NKAIN3: variants seen among roughly 807,000 people sequenced by gnomAD.
The protein encoded by NKAIN3 is sodium/potassium transporting ATPase interacting 3.
A neutral mutation model predicts 30.2 loss-of-function variants in NKAIN3; 25 were observed. That is an observed-to-expected ratio of 0.83 (90% CI 0.60 to 1.16). NKAIN3 has a LOEUF of 1.16. Among genes scored for constraint, NKAIN3 ranks in the 50% most tolerant of loss-of-function variants. NKAIN3 has a pLI of 0.00. For missense variants in NKAIN3, 225 were observed against 254.1 expected, an observed-to-expected ratio of 0.89 and a Z score of 0.78; for synonymous variants, 91 against 89.6, an observed-to-expected ratio of 1.02 and a Z score of -0.09.
chr8:62,850,392 C>T (rs968278643), intron 4 of NKAIN3, among the ~76,000 whole-genome samples: 2 of 151,948 alleles, frequency 1.3e-5, no homozygotes, highest in Middle Eastern at 3.2e-3. Flanking sequence ...AAATTTTCTC[C>T]CATTCTGTAG....
At position 62,972,512 on chromosome 8, in the gene NKAIN3, A is replaced by AT. The variant is rs1423705635; in HGVS notation, c.*7112dup. On this transcript the variant is annotated 3_prime_UTR_variant, in exon 7 of 7. Transcript: ENST00000623646. ...AACATCAATAATTAAACTTCCCAAGATTTTTTTGTCTCTCTCTGAATCAAG... is the reference window on the plus strand; with the variant it reads ...AACATCAATAATTAAACTTCCCAAGATTTTTTTTGTCTCTCTCTGAATCAAG... Among the ~76,000 whole-genome samples the AT allele has an allele frequency of 6.6e-6, 1 of 152,156 alleles. No homozygotes were observed.
intron 4 of NKAIN3, among the ~76,000 whole-genome samples, chr8:62,890,197 C>A (rs72655031): frequency 0.021 from 3,137 of 152,262 alleles, 51 homozygotes; most frequent in South Asian, 0.026. Flanking sequence ...AGTAAGCCAA[C>A]ATTTACTAAA....
chr8:62,476,078 T>C (rs936459823), intron 1 of NKAIN3, among the ~76,000 whole-genome samples: 1 of 152,198 alleles, frequency 6.6e-6, no homozygotes, highest in Non-Finnish European at 1.5e-5. Context: ...ACTATCATCA[T>C]TCTAGTTAAT....
At chr8:62,506,443 T>A (rs1032638290) in intron 1 of NKAIN3, among the ~76,000 whole-genome samples, 2 of 151,354 alleles carry the variant, frequency 1.3e-5, no homozygotes, top group Non-Finnish European at 2.9e-5. Flanking sequence ...ATGTGCATTT[T>A]TATTTTTTCT....
chr8:62,251,724 A>G (rs796879487), intron 1 of NKAIN3, among the ~76,000 whole-genome samples: 3 of 152,332 alleles, frequency 2.0e-5, no homozygotes, highest in African/African-American at 7.2e-5. Context: ...TTATTTAAAA[A>G]GCCTAGACAA....
intron 3 of NKAIN3, among the ~76,000 whole-genome samples, chr8:62,640,929 A>G (rs911232966): frequency 1.9e-4 from 29 of 151,978 alleles, no homozygotes; most frequent in African/African-American, 6.5e-4. Flanking sequence ...ACATTCTTTA[A>G]CCCCAGTAAT....
intron 1 of NKAIN3, among the ~76,000 whole-genome samples, chr8:62,266,626 C>T (rs1016140247): frequency 2.6e-5 from 4 of 152,072 alleles, no homozygotes; most frequent in Non-Finnish European, 5.9e-5. Flanking sequence ...AGGCGGGACT[C>T]GACTCTGGAG....
intron 1 of NKAIN3, among the ~76,000 whole-genome samples, chr8:62,545,928 C>T (rs893740138): frequency 3.3e-5 from 5 of 152,110 alleles, no homozygotes; most frequent in African/African-American, 4.8e-5. Context: ...TAAACATGCC[C>T]GTTTCTTCAA....
intron 1 of NKAIN3, among the ~76,000 whole-genome samples, chr8:62,497,997 C>CT: frequency 6.6e-6 from 1 of 152,128 alleles, no homozygotes; most frequent in African/African-American, 2.4e-5. Flanking sequence ...TTCTTTCTTT[C>CT]TTTTTTTACA....
intron 3 of NKAIN3, among the ~76,000 whole-genome samples, chr8:62,651,187 A>C (rs1056336079): frequency 6.6e-6 from 1 of 151,948 alleles, no homozygotes; most frequent in East Asian, 1.9e-4. Context: ...GGAAAAGTGC[A>C]ATTTTTTACA....
chr8:62,415,382 T>G (rs1804412545), intron 1 of NKAIN3, among the ~76,000 whole-genome samples: 1 of 149,354 alleles, frequency 6.7e-6, no homozygotes, highest in Admixed American at 6.7e-5. Context: ...AAGTCTGGAT[T>G]ATAATAATTG....
intron 4 of NKAIN3, among the ~76,000 whole-genome samples, chr8:62,748,107 T>A (rs1816148921): frequency 1.3e-5 from 2 of 152,218 alleles, no homozygotes; most frequent in African/African-American, 4.8e-5. Flanking sequence ...AATTTATTGC[T>A]TAGAGTTCTG....
chr8:62,835,371 G>A (rs796295294), intron 4 of NKAIN3, among the ~76,000 whole-genome samples: 14 of 152,030 alleles, frequency 9.2e-5, no homozygotes, highest in African/African-American at 2.2e-4. Flanking sequence ...TACTATTGAC[G>A]GAGTAAACAG....
chr8:62,335,330 A>G (rs1189197374), intron 1 of NKAIN3, among the ~76,000 whole-genome samples: 2 of 150,158 alleles, frequency 1.3e-5, no homozygotes, highest in African/African-American at 4.9e-5. Flanking sequence ...GGAGGCTGAG[A>G]TGAGAGAACT....
At position 62,447,904 on chromosome 8, in the gene NKAIN3, T is replaced by A. The variant is rs1209199893; in HGVS notation, c.55-131635T>A. ...CAAGGTAGGTGGGAAACTGTTTAGATAAGTGGGATGTTTGAAATCTAAAAC... is the reference window on the plus strand; with the variant it reads ...CAAGGTAGGTGGGAAACTGTTTAGAAAAGTGGGATGTTTGAAATCTAAAAC... On this transcript the variant is annotated intron_variant, in intron 1 of 6. Coordinates refer to ENST00000623646, the MANE Select transcript of NKAIN3 (RefSeq NM_001304533.3). 3.3e-5 allele frequency among the ~76,000 whole-genome samples: 5 copies of A among 152,000 alleles called. No individual in the cohort carries two copies. In the East Asian group the frequency reaches 9.6e-4, roughly 29 times the overall value.
At chr8:62,763,678 G>A (rs1816745291) in intron 4 of NKAIN3, among the ~76,000 whole-genome samples, 1 of 152,176 alleles carries the variant, frequency 6.6e-6, no homozygotes, top group Non-Finnish European at 1.5e-5. Context: ...GTAAGGCTTG[G>A]CTATCATGGA....
intron 4 of NKAIN3, among the ~76,000 whole-genome samples, chr8:62,915,952 C>T (rs898335450): frequency 4.6e-5 from 7 of 152,062 alleles, no homozygotes; most frequent in Non-Finnish European, 1.0e-4. Context: ...TATGAAAATA[C>T]ATCAGATGAA....
At position 62,815,845 on chromosome 8, in the gene NKAIN3, C is replaced by T. The variant is rs557616132; in HGVS notation, c.471+68716C>T. Among the ~76,000 whole-genome samples, 57 of 151,962 alleles carry T rather than the reference C, an allele frequency of 3.8e-4. No homozygotes were observed. In the South Asian group the frequency reaches 0.012, roughly 31 times the overall value. On this transcript the variant is annotated intron_variant, in intron 4 of 6. Coordinates refer to ENST00000623646, the MANE Select transcript of NKAIN3 (RefSeq NM_001304533.3). ...AGTTTTCAATTGCATTCTTATTCCA[C>T]TCATTGAATCTGCTGTTCCAATATT...
intron 3 of NKAIN3, among the ~76,000 whole-genome samples, chr8:62,682,725 C>G (rs1053098514): frequency 6.6e-6 from 1 of 152,058 alleles, no homozygotes; most frequent in African/African-American, 2.4e-5. Flanking sequence ...CCCCACTTCC[C>G]TGGCAACCTG....
Sources: allele counts gnomAD v4.1 joint callset (sites outside exome capture counted in the v4.1 genomes callset), GRCh38; gene constraint gnomAD v4.1.1; transcripts MANE v1.5; gene names NCBI Gene and HGNC (gene_info 2026-07-23, HGNC 2026-07-21).